Variants in ZSWIM5 observed in about 807,000 individuals in gnomAD.
ZSWIM5 encodes the protein zinc finger SWIM-type containing 5.
ZSWIM5 carries 55 observed loss-of-function variants against 119.6 expected under a neutral mutation model. The ratio of observed to expected loss-of-function variants is 0.46; its 90% CI spans 0.37 to 0.58. The LOEUF is 0.58. Among genes scored for constraint, ZSWIM5 ranks in the 20% least tolerant of loss-of-function variants. The probability of loss-of-function intolerance (pLI) is 0.00; values close to 1 mark genes in which losing one functional copy is unlikely to be tolerated. For synonymous variants in ZSWIM5, 537 were observed against 606.9 expected, an observed-to-expected ratio of 0.88 and a Z score of 1.69; for missense variants, 1,193 against 1,512.8, an observed-to-expected ratio of 0.79 and a Z score of 3.51.
chr1:45,185,752 C>T (rs559888205), intron 1 of ZSWIM5, among the ~76,000 whole-genome samples: 24 of 152,300 alleles, frequency 1.6e-4, no homozygotes, highest in African/African-American at 4.8e-4. Context: ...CAGGAAACAA[C>T]GGGTGCTGGA....
intron 1 of ZSWIM5, among the ~76,000 whole-genome samples, chr1:45,103,566 A>T (rs1645452822): frequency 6.6e-6 from 1 of 152,360 alleles, no homozygotes; most frequent in African/African-American, 2.4e-5. Flanking sequence ...TTGTAAAGGT[A>T]ATTAGCAAGT....
chr1:45,117,808 T>C (rs571673708), intron 1 of ZSWIM5, among the ~76,000 whole-genome samples: 1 of 152,206 alleles, frequency 6.6e-6, no homozygotes, highest in Non-Finnish European at 1.5e-5. Context: ...TCAGCAAAGA[T>C]GGCAGAAAAT....
Position 45,038,604 on chromosome 1 carries a change from CTTTTT to C in ZSWIM5, c.1894+327_1894+331del, listed in dbSNP as rs55717021. On this transcript the variant is annotated intron_variant, in intron 8 of 13. Coordinates refer to ENST00000359600, the MANE Select transcript of ZSWIM5 (RefSeq NM_020883.2). ...GGAGAAAAGGGCTGACGAGGGCAGT[CTTTTT>C]TTTTTTTTTTTTAATGAAACAGGGT... 1.6e-4 allele frequency among the ~76,000 whole-genome samples: 8 copies of C among 48,502 alleles called. 1 individual carries two copies. Among genetic ancestry groups the C allele is most frequent in the African/African-American group, 5.6e-4 (7 of 12,586 alleles). The allele number at this position is 48,502 out of a possible 152,430, so 31.8% of individuals were successfully genotyped here.
At chr1:45,162,247 T>C (rs777034442) in intron 1 of ZSWIM5, among the ~76,000 whole-genome samples, 19 of 152,292 alleles carry the variant, frequency 1.2e-4, no homozygotes, top group Middle Eastern at 3.4e-3. Context: ...CCCAGCACTA[T>C]GGGAGGAGGC....
chr1:45,178,622 C>T (rs1415465845), intron 1 of ZSWIM5, among the ~76,000 whole-genome samples: 1 of 151,962 alleles, frequency 6.6e-6, no homozygotes, highest in Non-Finnish European at 1.5e-5. Flanking sequence ...ATTTGCATTT[C>T]TGATTTGATA....
At position 45,018,638 on chromosome 1, in the gene ZSWIM5, G is replaced by C; in HGVS notation, c.3374C>G (p.Ser1125Ter). The change falls in exon 14 of 14, where the codon TCA becomes TGA. Residue 1125 changes from serine to a stop codon, truncating the protein, a stop_gained. Coordinates refer to ENST00000359600, the MANE Select transcript of ZSWIM5 (RefSeq NM_020883.2). LOFTEE classifies it high-confidence loss of function. The surrounding 1 kb of genome is among the most constrained non-coding windows in gnomAD (Gnocchi z 6.7). The part of the protein sequence containing the change: ...TINAYINTTH[S>*]RLTHISPRHY... Reference sequence around the variant, plus strand: ...GCGAGGGCTGATGTGTGTTAGGCGTGAGTGTGTAGTGTTGATATAGGCATT... The same window carrying C: ...GCGAGGGCTGATGTGTGTTAGGCGTCAGTGTGTAGTGTTGATATAGGCATT... The C allele has an allele frequency of 1.2e-6, 2 of 1,614,254 alleles. No homozygotes were observed. Among genetic ancestry groups the C allele is most frequent in the Non-Finnish European group, 1.7e-6 (2 of 1,180,048 alleles).
At chr1:45,159,288 A>T (rs1314764779) in intron 1 of ZSWIM5, among the ~76,000 whole-genome samples, 1 of 152,114 alleles carries the variant, frequency 6.6e-6, no homozygotes, top group African/African-American at 2.4e-5. Flanking sequence ...TTGCTATAAA[A>T]ATTTCAAGTT....
chr1:45,198,008 C>T (rs1646136214), intron 1 of ZSWIM5, among the ~76,000 whole-genome samples: 2 of 152,226 alleles, frequency 1.3e-5, no homozygotes, highest in Admixed American at 1.3e-4. Context: ...AACATGAAGC[C>T]TGCAGCAGCA....
In ZSWIM5 at chr1:45,050,303, G is replaced by A. The variant is rs144298388; in HGVS notation, c.1432+771C>T. ...ACCCTGGAGGCAGAGGTTGCAGTGA[G>A]CCAAGATCGCGCCACTGCACTCCAG... On this transcript the variant is annotated intron_variant, in intron 5 of 13. Coordinates refer to ENST00000359600, the MANE Select transcript of ZSWIM5 (RefSeq NM_020883.2). Among the ~76,000 whole-genome samples, 686 of 152,268 alleles carry A rather than the reference G, an allele frequency of 4.5e-3. 8 individuals are homozygous for A. The highest frequency in any genetic ancestry group is 0.016 in the African/African-American group (646 of 41,554).
At chr1:45,174,127 T>C (rs910489195) in intron 1 of ZSWIM5, among the ~76,000 whole-genome samples, 6 of 151,528 alleles carry the variant, frequency 4.0e-5, no homozygotes, top group African/African-American at 1.5e-4. Flanking sequence ...ATATAAAAAT[T>C]AGCCAAGTAT....
chr1:45,171,907 T>C (rs1211401969), intron 1 of ZSWIM5, among the ~76,000 whole-genome samples: 1 of 152,162 alleles, frequency 6.6e-6, no homozygotes, highest in African/African-American at 2.4e-5. Flanking sequence ...CAATTGTTTC[T>C]ATAACATAAA....
At chr1:45,027,715 C>G (rs1176148187) in intron 11 of ZSWIM5, among the ~76,000 whole-genome samples, 1 of 151,986 alleles carries the variant, frequency 6.6e-6, no homozygotes, top group Non-Finnish European at 1.5e-5. Context: ...AGGTCTTACT[C>G]TTGCCTAGGC....
chr1:45,065,125 A>G (rs567231396), intron 2 of ZSWIM5, among the ~76,000 whole-genome samples: 28 of 152,366 alleles, frequency 1.8e-4, no homozygotes, highest in African/African-American at 6.7e-4. Flanking sequence ...TGAAAAATGC[A>G]GGTTATGGAG....
intron 1 of ZSWIM5, among the ~76,000 whole-genome samples, chr1:45,093,883 AC>A: frequency 7.1e-6 from 1 of 141,612 alleles, no homozygotes; most frequent in Non-Finnish European, 1.5e-5. Flanking sequence ...TTGCTCCGTT[AC>A]CCAGGCTGGA....
intron 5 of ZSWIM5, among the ~76,000 whole-genome samples, chr1:45,048,150 C>G (rs542102347): frequency 1.4e-5 from 2 of 146,468 alleles, no homozygotes; most frequent in South Asian, 4.3e-4. Flanking sequence ...GTGGCATGAC[C>G]GTGGCTCATT....
chr1:45,089,723 A>G (rs1266046374), intron 1 of ZSWIM5, among the ~76,000 whole-genome samples: 5 of 152,122 alleles, frequency 3.3e-5, no homozygotes, highest in Non-Finnish European at 5.9e-5. Flanking sequence ...TGTAATCCCA[A>G]TGGCTCAAGA....
chr1:45,080,896 A>T (rs913538801), intron 2 of ZSWIM5, among the ~76,000 whole-genome samples: 13 of 152,216 alleles, frequency 8.5e-5, no homozygotes, highest in African/African-American at 3.1e-4. Flanking sequence ...CACCTAAAAA[A>T]GTCAAGGCAA....
chr1:45,159,714 G>A (rs1020195009), intron 1 of ZSWIM5, among the ~76,000 whole-genome samples: 6 of 151,840 alleles, frequency 4.0e-5, no homozygotes, highest in Admixed American at 2.0e-4. Context: ...TCAGCCTCCC[G>A]AGTAGCTGGG....
At chr1:45,106,782 A>C (rs1289981325) in intron 1 of ZSWIM5, among the ~76,000 whole-genome samples, 1 of 152,218 alleles carries the variant, frequency 6.6e-6, no homozygotes, top group African/African-American at 2.4e-5. Context: ...AAAGGGGGAA[A>C]TGTGGGGAAA....
Sources: allele counts gnomAD v4.1 joint callset (sites outside exome capture counted in the v4.1 genomes callset), GRCh38; gene constraint gnomAD v4.1.1; non-coding constraint Gnocchi (gnomAD v3.1); transcripts MANE v1.5; gene names NCBI Gene and HGNC (gene_info 2026-07-23, HGNC 2026-07-21).